SEPTIN3: variants seen among roughly 807,000 people sequenced by gnomAD.
SEPTIN3 encodes the protein neuronal-specific septin-3.
A neutral mutation model predicts 45.1 loss-of-function variants in SEPTIN3; 15 were observed. That is an observed-to-expected ratio of 0.33 (90% CI 0.22 to 0.51). The LOEUF is 0.51. SEPTIN3 is among the 20% of genes least tolerant of loss of function. SEPTIN3 has a pLI of 0.97. For missense variants in SEPTIN3, 289 were observed against 457.2 expected, an observed-to-expected ratio of 0.63 and a Z score of 3.35; for synonymous variants, 148 against 164.8, an observed-to-expected ratio of 0.90 and a Z score of 0.78.
At chr22:41,979,848 T>C (rs73417033) in intron 2 of SEPTIN3, among the ~76,000 whole-genome samples, 5,835 of 152,210 alleles carry the variant, frequency 0.038, 347 homozygotes, top group African/African-American at 0.13. Context: ...GGGAAGGGAA[T>C]ACTTCTGTCC....
intron 2 of SEPTIN3, chr22:41,981,433 C>T (rs1407664457): frequency 4.0e-6 from 2 of 501,104 alleles, no homozygotes; most frequent in African/African-American, 3.8e-5. Flanking sequence ...GATTTTACCT[C>T]TGACCTGCTC....
chr22:41,989,145 A>C (rs1317741266), intron 6 of SEPTIN3, among the ~76,000 whole-genome samples: 5 of 151,498 alleles, frequency 3.3e-5, no homozygotes, highest in African/African-American at 1.2e-4. Context: ...AAAAAAAAAA[A>C]AAGACACACA....
At position 41,991,592 on chromosome 22, in the gene SEPTIN3, T is replaced by C. The variant is rs149509806; in HGVS notation, c.2183T>C (p.Val728Ala). Residue 728 changes from valine (V) to alanine (A), a missense_variant, in exon 8 of 12, where the codon GTA (valine) becomes GCA (alanine). By Grantham distance (64) the Val-to-Ala change is moderately conservative (BLOSUM62 0). Around this residue, in one of 3 missense-constraint regions of SEPTIN3, gnomAD observed 200 missense variants for 315.1 expected, o/e 0.63. Transcript: ENST00000644076. ...CTCTAGGTTCGCAAGGAGCTTGAAG[T>C]AAATGGCATTGAATTCTACCCCCAG... is the stretch of plus-strand genomic sequence containing the variant. The part of the protein sequence containing the change: ...FKQRVRKELE[V>A]NGIEFYPQKE... 1.1e-4 allele frequency: 183 copies of C among 1,613,788 alleles called. No individual in the cohort carries two copies. The African/African-American group carries it at 2.2e-3, about 20-fold the overall frequency.
chr22:41,990,792 G>A (rs1428970442), intron 7 of SEPTIN3, among the ~76,000 whole-genome samples: 3 of 149,926 alleles, frequency 2.0e-5, no homozygotes, highest in Admixed American at 1.3e-4. Context: ...GGCTGGGGGC[G>A]GTGGCTCACG....
intron 8 of SEPTIN3, 117 bp downstream of exon 8, chr22:41,991,785 C>G (rs1457001685): frequency 1.3e-6 from 1 of 766,914 alleles, no homozygotes; most frequent in Non-Finnish European, 2.3e-6. Context: ...CCTTGCCTGA[C>G]CCAGACCAGA....
chr22:41,994,575 C>T lies in SEPTIN3; in HGVS notation c.2412-46C>T. The stretch of plus-strand genomic sequence containing the variant: ...GTGATGTGTGTCACCGCCTCCTCTT[C>T]CTGCCCCTAATTGCAGCCCTCTTCT... On this transcript the variant is annotated intron_variant, in intron 10 of 11. Coordinates refer to ENST00000644076, the MANE Select transcript of SEPTIN3 (RefSeq NM_001363845.2). The surrounding 1 kb of genome is among the most constrained non-coding windows in gnomAD (Gnocchi z 4.2). 6.2e-7 allele frequency: 1 copy of T among 1,612,264 alleles called. No homozygotes were observed.
chr22:41,989,542 T>C, intron 6 of SEPTIN3, 25 bp from the exon 7 acceptor site: 2 of 1,535,404 alleles, frequency 1.3e-6, no homozygotes, highest in Non-Finnish European at 1.8e-6. Context: ...GTGGCTCTGA[T>C]GATTCTGCCT....
rs762053810 is a variant in SEPTIN3, at chr22:41,997,159, G to T, written c.*192G>T. On this transcript the variant is annotated 3_prime_UTR_variant, in exon 12 of 12. Transcript: ENST00000644076. ...TATCCAAACCACTCCTCTCCTCCCA[G>T]TGGAGTGGGGTTCTGCCAGTACAGC... 5.7e-5 allele frequency: 61 copies of T among 1,065,972 alleles called. No individual in the cohort carries two copies. The highest frequency in any genetic ancestry group is 3.1e-4 in the Middle Eastern group (1 of 3,192). The allele number at this position is 1,065,972 out of a possible 1,614,324, so 66.0% of individuals were successfully genotyped here.
rs1184541876 is a variant in SEPTIN3, at chr22:41,969,612, A to C, written c.-85A>C. 1 of 150,770 alleles carries C rather than the reference A, an allele frequency of 6.6e-6. No homozygotes were observed. The highest frequency in any genetic ancestry group is 1.5e-5 in the Non-Finnish European group (1 of 67,858). The allele number at this position is 150,770 out of a possible 1,614,324, so 9.3% of individuals were successfully genotyped here. A position where few individuals can be genotyped will look rare whatever the true frequency, so the allele number is the denominator to read the frequency against. On this transcript the variant is annotated 5_prime_UTR_variant, in exon 1 of 12. Transcript: ENST00000644076. ...CATGGCCAGACTCTGAGTGCAGGGG[A>C]GGTGAGGGGCCTGCGTGTGCCTTAT...
rs181345278 is a variant in SEPTIN3, at chr22:41,994,851, C to G, written c.2505+137C>G. Reference sequence around the variant, plus strand: ...CCTTCTTCCTCTCAACTCTGTCCCACAGGCCTGTCTGGTATTTGTGGAGCA... The same window carrying G: ...CCTTCTTCCTCTCAACTCTGTCCCAGAGGCCTGTCTGGTATTTGTGGAGCA... On this transcript the variant is annotated intron_variant, in intron 11 of 11. Transcript: ENST00000644076. The surrounding 1 kb of genome is among the most constrained non-coding windows in gnomAD (Gnocchi z 4.2). 13 of 1,583,614 alleles carry G rather than the reference C, an allele frequency of 8.2e-6. No individual in the cohort carries two copies. The highest frequency in any genetic ancestry group is 1.7e-5 in the Admixed American group (1 of 59,056).
chr22:41,971,586 C>T lies in SEPTIN3; in HGVS notation c.94C>T (p.Arg32Cys), dbSNP rs543978733. The change falls in exon 2 of 12, where the codon CGC (arginine) becomes TGC (cysteine). Residue 32 changes from arginine (R) to cysteine (C), a missense_variant. Physicochemically the swap from Arg to Cys is radical, Grantham distance 180. Coordinates refer to ENST00000644076, the MANE Select transcript of SEPTIN3 (RefSeq NM_001363845.2). ...CTTCTCCCATAGCCATGTGCTGGGG[C>T]GCCCTATCCGCCCCTCGAGACTCCC... ...TSFSHSHVLG[R>C]PIRPSRLPGG... 4 of 399,008 alleles carry T rather than the reference C, an allele frequency of 1.0e-5. No individual in the cohort carries two copies. Among genetic ancestry groups the T allele is most frequent in the Middle Eastern group, 6.2e-4 (1 of 1,612 alleles). 24.7% of individuals were successfully genotyped at this position (399,008 alleles called of 1,614,324 possible).
chr22:41,973,333 G>C (rs1391681814), intron 2 of SEPTIN3, among the ~76,000 whole-genome samples: 1 of 151,772 alleles, frequency 6.6e-6, no homozygotes. Flanking sequence ...ACCAGCCTGA[G>C]AAAAATGGTG....
In SEPTIN3 at chr22:41,994,553, ATG is replaced by A. The variant is rs1365146045; in HGVS notation, c.2412-62_2412-61del. ...TCACTGGGTCCAGTCCCTCGAAGTG[ATG>A]TGTGTCACCGCCTCCTCTTCCTGCC... On this transcript the variant is annotated intron_variant, in intron 10 of 11. Transcript: ENST00000644076. The surrounding 1 kb of genome is among the most constrained non-coding windows in gnomAD (Gnocchi z 4.2). 1.2e-6 allele frequency: 2 copies of A among 1,607,142 alleles called. No homozygotes were observed. The highest frequency in any genetic ancestry group is 1.1e-5 in the South Asian group (1 of 90,486).
intron 7 of SEPTIN3, 104 bp downstream of exon 7, chr22:41,989,788 C>A: frequency 4.1e-6 from 3 of 738,516 alleles, no homozygotes; most frequent in East Asian, 2.5e-5. Context: ...CACCCCCACC[C>A]TCAACCCTCC....
rs1268527625 is a variant in SEPTIN3 at position 41,987,778 on chromosome 22, C to A, written c.2045+19C>A. On this transcript the variant is annotated intron_variant, in intron 6 of 11. Coordinates refer to ENST00000644076, the MANE Select transcript of SEPTIN3 (RefSeq NM_001363845.2). ...GACACTCGTATGTACCAACCCTACC[C>A]CTATTGTCAGGCCTGGTCTGGTTTG... 6 of 1,601,450 alleles carry A rather than the reference C, an allele frequency of 3.7e-6. No homozygotes were observed. Among genetic ancestry groups the A allele is most frequent in the Non-Finnish European group, 5.1e-6 (6 of 1,169,764 alleles).
At chr22:41,980,792 A>G (rs942539380) in intron 2 of SEPTIN3, among the ~76,000 whole-genome samples, 15 of 152,208 alleles carry the variant, frequency 9.9e-5, no homozygotes, top group African/African-American at 3.6e-4. Flanking sequence ...TTCATCTGCT[A>G]TCCACCACTC....
rs984112844 is a variant in SEPTIN3, at chr22:41,997,327, T to C, written c.*360T>C. On this transcript the variant is annotated 3_prime_UTR_variant, in exon 12 of 12. Coordinates refer to ENST00000644076, the MANE Select transcript of SEPTIN3 (RefSeq NM_001363845.2). ...AATGGCATTGCTCCCTACCCATTCA[T>C]CTGCATGAGCTACTCTTGGCTTCCT... 35 of 232,150 alleles carry C rather than the reference T, an allele frequency of 1.5e-4. No individual in the cohort carries two copies. The highest frequency in any genetic ancestry group is 3.4e-5 in the Non-Finnish European group (4 of 119,038). The allele number at this position is 232,150 out of a possible 1,614,324, so 14.4% of individuals were successfully genotyped here. A position where few individuals can be genotyped will look rare whatever the true frequency, so the allele number is the denominator to read the frequency against.
chr22:41,991,861 C>T (rs148667579), intron 8 of SEPTIN3, among the ~76,000 whole-genome samples, 193 bp downstream of exon 8: 1 of 151,854 alleles, frequency 6.6e-6, no homozygotes, highest in East Asian at 1.9e-4. Context: ...GCTCCCTGTA[C>T]CCAGAAAGCC....
chr22:41,978,350 C>T (rs1031605765), intron 2 of SEPTIN3, among the ~76,000 whole-genome samples: 6 of 152,190 alleles, frequency 3.9e-5, no homozygotes, highest in Admixed American at 1.3e-4. Flanking sequence ...GACACGGCCC[C>T]GCCCTAAAGA....
Sources: gnomAD v4.1 joint callset for allele counts (sites outside exome capture counted in the v4.1 genomes callset) on GRCh38, gnomAD v4.1.1 for gene constraint, gnomAD v4.1.1 regional missense constraint, Gnocchi (gnomAD v3.1) non-coding constraint, MANE v1.5 for transcripts, NCBI Gene and HGNC (gene_info 2026-07-23, HGNC 2026-07-21) for gene names.